PSD3: variants seen among roughly 807,000 people sequenced by gnomAD.
PSD3 encodes the protein PH and SEC7 domain-containing protein 3.
PSD3 carries 49 observed loss-of-function variants against 105.5 expected under a neutral mutation model. The observed-to-expected ratio is 0.46, with a 90% CI of 0.37 to 0.59. The LOEUF is 0.59. Ranked by LOEUF, PSD3 falls within the 20% of genes least tolerant of loss-of-function variation. The pLI, the probability that PSD3 is intolerant of heterozygous loss-of-function variation, is 0.00. For missense variants in PSD3, 1,561 were observed against 1,263.8 expected, an observed-to-expected ratio of 1.24 and a Z score of -3.57; for synonymous variants, 557 against 457.8, an observed-to-expected ratio of 1.22 and a Z score of -2.77.
chr8:18,586,960 T>A (rs140538946), intron 12 of PSD3, among the ~76,000 whole-genome samples: 147 of 152,224 alleles, frequency 9.7e-4, no homozygotes, highest in African/African-American at 3.3e-3. Flanking sequence ...GATCTTTGCA[T>A]CCCCATCTCT....
In PSD3 at chr8:18,605,337, G is replaced by A. The variant is rs572755826; in HGVS notation, c.2411-4903C>T. ...TTTGGATCTTTAAAATTTAATGACT[G>A]GCCTTCTGGGTTTCAGACTTCTATG... On this transcript the variant is annotated intron_variant, in intron 11 of 15. Transcript: ENST00000327040. Among the ~76,000 whole-genome samples, 18 of 151,636 alleles carry A rather than the reference G, an allele frequency of 1.2e-4. No homozygotes were observed. The South Asian group carries it at 3.6e-3, about 30-fold the overall frequency.
At chr8:18,915,556 T>C (rs1243772570) in intron 2 of PSD3, among the ~76,000 whole-genome samples, 1 of 152,124 alleles carries the variant, frequency 6.6e-6, no homozygotes, top group Non-Finnish European at 1.5e-5. Context: ...AAACCTCCTA[T>C]GGGCAAAGGA....
chr8:18,876,559 A>C (rs1011157385), intron 2 of PSD3, among the ~76,000 whole-genome samples: 4 of 151,078 alleles, frequency 2.6e-5, no homozygotes, highest in Non-Finnish European at 4.4e-5. Context: ...TGCCCAGCTA[A>C]TTTTTCTTTT....
chr8:18,751,117 G>T (rs1334062578), intron 9 of PSD3, among the ~76,000 whole-genome samples: 1 of 152,134 alleles, frequency 6.6e-6, no homozygotes, highest in Non-Finnish European at 1.5e-5. Flanking sequence ...GGGAGGCTCC[G>T]GCCGCACAGG....
At chr8:18,614,426 G>C (rs534116545) in intron 11 of PSD3, among the ~76,000 whole-genome samples, 339 of 128,618 alleles carry the variant, frequency 2.6e-3, no homozygotes, top group Non-Finnish European at 3.9e-3. Context: ...TTTTTTTTTA[G>C]TGCTTAATCT....
chr8:18,962,549 CT>C (rs925367037), intron 1 of PSD3, among the ~76,000 whole-genome samples: 2 of 152,042 alleles, frequency 1.3e-5, no homozygotes, highest in Non-Finnish European at 2.9e-5. Flanking sequence ...AGTGAAATGC[CT>C]TTTTTTACAA....
chr8:19,080,429 T>C (rs1175294800), intron 1 of PSD3, among the ~76,000 whole-genome samples: 2 of 152,200 alleles, frequency 1.3e-5, no homozygotes, highest in Admixed American at 6.5e-5. Flanking sequence ...ATGTACTTCA[T>C]AGATTTACAT....
At chr8:19,053,924 C>G (rs185923055) in intron 1 of PSD3, among the ~76,000 whole-genome samples, 1 of 152,192 alleles carries the variant, frequency 6.6e-6, no homozygotes, top group East Asian at 1.9e-4. Context: ...AGGTTGCAGT[C>G]TTGGAGTTAC....
Position 19,000,307 on chromosome 8 carries a change from G to A in PSD3, c.21+13256C>T, listed in dbSNP as rs180695555. ...AGCTACTTGGGAGGCTGAGGTGGGA[G>A]GATAACTTGAGCCCAGGAGTTCGAG... On this transcript the variant is annotated intron_variant, in intron 1 of 15. Coordinates refer to ENST00000327040, the MANE Select transcript of PSD3 (RefSeq NM_015310.4). Among the ~76,000 whole-genome samples, 54 of 151,404 alleles carry A rather than the reference G, an allele frequency of 3.6e-4. No individual in the cohort carries two copies. The East Asian group carries it at 0.011, about 29-fold the overall frequency.
intron 15 of PSD3, among the ~76,000 whole-genome samples, chr8:18,547,386 G>T (rs182650847): frequency 1.1e-4 from 16 of 152,322 alleles, no homozygotes; most frequent in East Asian, 9.7e-4. Flanking sequence ...TACTCTTGTA[G>T]TAAGAACTGC....
chr8:18,554,331 G>A (rs1800941877), intron 15 of PSD3, among the ~76,000 whole-genome samples: 1 of 152,244 alleles, frequency 6.6e-6, no homozygotes, highest in Non-Finnish European at 1.5e-5. Context: ...CATTTCCCAA[G>A]AATGAACAAG....
intron 8 of PSD3, among the ~76,000 whole-genome samples, chr8:18,768,554 G>A (rs1344878837): frequency 6.6e-6 from 1 of 152,180 alleles, no homozygotes; most frequent in Non-Finnish European, 1.5e-5. Flanking sequence ...CCATAATTGT[G>A]CCACTGCATT....
intron 8 of PSD3, among the ~76,000 whole-genome samples, chr8:18,787,715 T>C (rs1356082514): frequency 6.6e-6 from 1 of 152,148 alleles, no homozygotes; most frequent in African/African-American, 2.4e-5. Context: ...GATAAAAAGA[T>C]GTTTTCTCTG....
At chr8:18,558,506 T>G (rs555753622) in intron 14 of PSD3, among the ~76,000 whole-genome samples, 23 of 152,258 alleles carry the variant, frequency 1.5e-4, no homozygotes, top group African/African-American at 5.5e-4. Flanking sequence ...TATTCATATA[T>G]AAAGATATGT....
At chr8:18,773,257 T>C (rs1807716936) in intron 8 of PSD3, among the ~76,000 whole-genome samples, 1 of 152,202 alleles carries the variant, frequency 6.6e-6, no homozygotes, top group Admixed American at 6.5e-5. Flanking sequence ...ACACTACCAT[T>C]TTTTAAAAAG....
intron 1 of PSD3, among the ~76,000 whole-genome samples, chr8:18,943,023 C>A (rs1426857145): frequency 6.6e-6 from 1 of 152,142 alleles, no homozygotes; most frequent in Non-Finnish European, 1.5e-5. Context: ...GGAGGTGAAT[C>A]TTTCACTCTA....
At chr8:18,808,418 C>G (rs1354537293) in intron 4 of PSD3, among the ~76,000 whole-genome samples, 1 of 152,170 alleles carries the variant, frequency 6.6e-6, no homozygotes, top group Non-Finnish European at 1.5e-5. Flanking sequence ...AATGAGAACA[C>G]ATTTTAAAAA....
At chr8:18,825,032 G>C (rs1182382731) in intron 4 of PSD3, among the ~76,000 whole-genome samples, 2 of 152,120 alleles carry the variant, frequency 1.3e-5, no homozygotes, top group African/African-American at 2.4e-5. Context: ...GCATTTCTCA[G>C]ATTTATTTGA....
chr8:18,540,985 G>A (rs1217914239), intron 15 of PSD3, among the ~76,000 whole-genome samples: 2 of 151,800 alleles, frequency 1.3e-5, no homozygotes, highest in African/African-American at 2.4e-5. Context: ...TCTTCCAAAA[G>A]CCCACAGGAC....
Sources: allele counts gnomAD v4.1 joint callset (sites outside exome capture counted in the v4.1 genomes callset), GRCh38; gene constraint gnomAD v4.1.1; transcripts MANE v1.5; gene names NCBI Gene and HGNC (gene_info 2026-07-23, HGNC 2026-07-21).